Variants in DNAI4 observed in about 807,000 individuals in gnomAD.
DNAI4 encodes WD repeat domain 78.
A neutral mutation model predicts 105.8 loss-of-function variants in DNAI4; 85 were observed. The observed-to-expected ratio is 0.80, with a 90% confidence interval of 0.67 to 0.96. The LOEUF (loss-of-function observed/expected upper bound fraction) is 0.96. Among genes scored for constraint, DNAI4 ranks in the 40% least tolerant of loss-of-function variants. The probability of loss-of-function intolerance (pLI) is 0.00; values close to 1 mark genes in which losing one functional copy is unlikely to be tolerated. For synonymous variants in DNAI4, 352 were observed against 331.5 expected (o/e 1.06, Z -0.67); for missense variants, 1,014 against 1,005.6 (o/e 1.01, Z -0.11).
intron 4 of DNAI4, among the ~76,000 whole-genome samples, chr1:66,879,774 T>C (rs1647029292): frequency 6.6e-6 from 1 of 152,212 alleles, no homozygotes; most frequent in Admixed American, 6.5e-5. Context: ...TAATGACATA[T>C]GAAACTGAGC....
Position 66,924,763 on chromosome 1 carries a change from G to T in DNAI4, c.69C>A (p.Asp23Glu). 1 of 1,614,196 alleles carries T rather than the reference G, an allele frequency of 6.2e-7. No individual in the cohort carries two copies. Among genetic ancestry groups the T allele is most frequent in the African/African-American group, 1.3e-5 (1 of 75,052 alleles). ...AANGGAWGYR[D>E]FRGGQKKGWC... Reference sequence around the variant, plus strand: ...ACCCCTTTTTTTGGCCGCCTCTGAAGTCCCTGTACCCCCAAGCTCCTCCGT... The same window carrying T: ...ACCCCTTTTTTTGGCCGCCTCTGAATTCCCTGTACCCCCAAGCTCCTCCGT... The change falls in exon 1 of 17, where the codon GAC becomes GAA. Residue 23 changes from aspartate (D) to glutamate (E), a missense_variant. Transcript: ENST00000371026.
intron 2 of DNAI4, among the ~76,000 whole-genome samples, chr1:66,904,466 GCTAT>G (rs1412636739): frequency 2.0e-5 from 3 of 151,984 alleles, no homozygotes; most frequent in Admixed American, 1.3e-4. Flanking sequence ...GTGCTCCCAT[GCTAT>G]CTGTTTATCT....
At chr1:66,823,593 C>T (rs368136087) in intron 15 of DNAI4, among the ~76,000 whole-genome samples, 23 of 148,774 alleles carry the variant, frequency 1.5e-4, no homozygotes, top group African/African-American at 3.5e-4. Flanking sequence ...TTTTTAATGA[C>T]TGCCATTCTA....
chr1:66,893,067 AAG>A lies in DNAI4; in HGVS notation c.530+160_530+161del, dbSNP rs1296988295. Among the ~76,000 whole-genome samples the A allele has an allele frequency of 3.2e-5, 3 of 94,612 alleles. No individual in the cohort carries two copies. The East Asian group carries it at 9.4e-4, about 30-fold the overall frequency. The allele number at this position is 94,612 out of a possible 152,430, so 62.1% of individuals were successfully genotyped here. A position where few individuals can be genotyped will look rare whatever the true frequency, so the allele number is the denominator to read the frequency against. On this transcript the variant is annotated intron_variant, in intron 3 of 16. Transcript: ENST00000371026. ...AGAAAGAAAGAAAGAGAGAGAGAGA[AAG>A]AAAGAAAGAAAGAAAGAAAGAAAGA...
chr1:66,836,612 C>T (rs1185709648), intron 10 of DNAI4, among the ~76,000 whole-genome samples: 1 of 152,184 alleles, frequency 6.6e-6, no homozygotes, highest in African/African-American at 2.4e-5. Flanking sequence ...TAATTTAAAT[C>T]CTTTCCTGCT....
rs745762570 is a variant in DNAI4, at chr1:66,847,469, A to AT, written c.1291+14dup. 2.1e-5 allele frequency: 33 copies of AT among 1,607,108 alleles called. No individual in the cohort carries two copies. In the East Asian group the frequency reaches 3.4e-4, roughly 16 times the overall value. On this transcript the variant is annotated intron_variant, in intron 8 of 16. Coordinates refer to ENST00000371026, the MANE Select transcript of DNAI4 (RefSeq NM_024763.5). Reference sequence around the variant, plus strand: ...AACTGCACCCAGCCTAAACATGTTTATTTTTTTTAAATACCTTTTAAAACA... The same window carrying AT: ...AACTGCACCCAGCCTAAACATGTTTATTTTTTTTTAAATACCTTTTAAAACA...
intron 4 of DNAI4, among the ~76,000 whole-genome samples, chr1:66,883,180 CT>C (rs755412295): frequency 0.095 from 8,839 of 93,360 alleles, 171 homozygotes; most frequent in South Asian, 0.14. Flanking sequence ...GTTTTCTTTT[CT>C]TTTTTTTTTT....
chr1:66,841,168 G>A (rs1021267801), intron 8 of DNAI4, among the ~76,000 whole-genome samples: 7 of 152,274 alleles, frequency 4.6e-5, no homozygotes, highest in African/African-American at 1.2e-4. Flanking sequence ...TGTTTACTAA[G>A]TTCAACCAGC....
At chr1:66,858,147 T>C (rs937100925) in intron 7 of DNAI4, among the ~76,000 whole-genome samples, 1 of 152,102 alleles carries the variant, frequency 6.6e-6, no homozygotes, top group African/African-American at 2.4e-5. Context: ...TTCCAACTCA[T>C]TTTATTAGGC....
At position 66,837,572 on chromosome 1, in the gene DNAI4, T is replaced by C. The variant is rs370949581; in HGVS notation, c.1581+138A>G. On this transcript the variant is annotated intron_variant, in intron 10 of 16. Coordinates refer to ENST00000371026, the MANE Select transcript of DNAI4 (RefSeq NM_024763.5). ...GTCAACAAGAACAAATTTTAATTGC[T>C]ATGAAGTTAAACCAAAGAAAATAGT... 2.0e-5 allele frequency: 21 copies of C among 1,038,902 alleles called. No individual in the cohort carries two copies. The East Asian group carries it at 2.9e-4, about 15-fold the overall frequency. The allele number at this position is 1,038,902 out of a possible 1,614,324, so 64.4% of individuals were successfully genotyped here.
At chr1:66,892,910 A>G (rs560696994) in intron 3 of DNAI4, among the ~76,000 whole-genome samples, 4 of 148,792 alleles carry the variant, frequency 2.7e-5, no homozygotes, top group Non-Finnish European at 5.9e-5. Context: ...CTTGTCTCAA[A>G]AAAGAAAGAA....
chr1:66,879,498 T>G (rs886960824), intron 4 of DNAI4, among the ~76,000 whole-genome samples: 1 of 152,148 alleles, frequency 6.6e-6, no homozygotes, highest in African/African-American at 2.4e-5. Flanking sequence ...AACTTTTGAG[T>G]GGAGATTTTT....
At position 66,893,406 on chromosome 1, in the gene DNAI4, T is replaced by A; in HGVS notation, c.353A>T (p.Asp118Val). ...NPNIKTTQVFDINGTDVTPRP... is the reference protein window; with the variant it reads ...NPNIKTTQVFVINGTDVTPRP... ...GGGAGTAACATCAGTTCCATTTATG[T>A]CAAATACCTGTTAAAAATGGTTATT... Residue 118 changes from aspartate (D) to valine (V), a missense_variant, in exon 3 of 17, where the codon GAC (aspartate) becomes GTC (valine). Coordinates refer to ENST00000371026, the MANE Select transcript of DNAI4 (RefSeq NM_024763.5). 2.0e-6 allele frequency: 3 copies of A among 1,528,948 alleles called. No homozygotes were observed. The Middle Eastern group carries it at 5.2e-4, about 266-fold the overall frequency. 94.7% of individuals were successfully genotyped at this position (1,528,948 alleles called of 1,614,324 possible). A position where few individuals can be genotyped will look rare whatever the true frequency, so the allele number is the denominator to read the frequency against.
rs570803920 is a variant in DNAI4 at position 66,823,420 on chromosome 1, A to G, written c.2340-903T>C. ...ATGATTTATAGTCCTTTAGGTATATACCCAGTAATGGGATGGCTGGGTCAA... is the reference window on the plus strand; with the variant it reads ...ATGATTTATAGTCCTTTAGGTATATGCCCAGTAATGGGATGGCTGGGTCAA... On this transcript the variant is annotated intron_variant, in intron 15 of 16. Coordinates refer to ENST00000371026, the MANE Select transcript of DNAI4 (RefSeq NM_024763.5). Among the ~76,000 whole-genome samples the G allele has an allele frequency of 2.9e-4, 44 of 152,140 alleles. 1 individual carries two copies. In the South Asian group the frequency reaches 9.0e-3, roughly 31 times the overall value.
intron 2 of DNAI4, 143 bp downstream of exon 2, chr1:66,905,058 T>G (rs1004684053): frequency 3.3e-6 from 2 of 603,596 alleles, no homozygotes; most frequent in African/African-American, 3.7e-5. Flanking sequence ...TTGTATGGAA[T>G]AATATGTGGT....
At chr1:66,825,402 C>T (rs1450022320) in intron 15 of DNAI4, among the ~76,000 whole-genome samples, 1 of 151,510 alleles carries the variant, frequency 6.6e-6, no homozygotes, top group East Asian at 1.9e-4. Context: ...AGGATGGTCT[C>T]GATCTCCTGA....
rs1046002737 is a variant in DNAI4 at position 66,835,673 on chromosome 1, T to C, written c.1686A>G (p.Ala562=). ...TACTGTTGCTCCGTACATTGTAAAT[T>C]GCAATTGTGCCATTGTGATAGCCAA... ...LAVGYHNGTI[A]IYNVRSNSNV... Residue 562 remains alanine (A), a synonymous_variant, in exon 11 of 17, where the codon GCA becomes GCG. Transcript: ENST00000371026. 2 of 1,614,050 alleles carry C rather than the reference T, an allele frequency of 1.2e-6. No individual in the cohort carries two copies. Among genetic ancestry groups the C allele is most frequent in the East Asian group, 2.2e-5 (1 of 44,886 alleles).
At chr1:66,825,760 T>C (rs1030464795) in intron 15 of DNAI4, among the ~76,000 whole-genome samples, 7 of 152,208 alleles carry the variant, frequency 4.6e-5, no homozygotes, top group Non-Finnish European at 1.0e-4. Context: ...TTTGTAATCC[T>C]TGGTTCATAC....
At chr1:66,892,995 A>AAGAAAGAAAGAG (rs1196405278) in intron 3 of DNAI4, among the ~76,000 whole-genome samples, 11 of 114,658 alleles carry the variant, frequency 9.6e-5, no homozygotes, top group East Asian at 4.0e-4. Context: ...GAAAGAAAGA[A>AAGAAAGAAAGAG]AGAGAGAAAG....
Sources: allele counts gnomAD v4.1 joint callset (sites outside exome capture counted in the v4.1 genomes callset), GRCh38; gene constraint gnomAD v4.1.1; transcripts MANE v1.5; gene names NCBI Gene and HGNC (gene_info 2026-07-23, HGNC 2026-07-21).